The following SLC24A2 variants were observed in gnomAD, a reference collection of about 807,000 sequenced individuals.
SLC24A2 encodes sodium/potassium/calcium exchanger 2.
SLC24A2 carries 36 observed loss-of-function variants against 62.0 expected under a neutral mutation model. The ratio of observed to expected loss-of-function variants is 0.58; its 90% CI spans 0.44 to 0.77. SLC24A2 has a LOEUF of 0.77. Among genes scored for constraint, SLC24A2 ranks in the 30% least tolerant of loss-of-function variants. The probability of loss-of-function intolerance (pLI) is 0.00; values close to 1 mark genes in which losing one functional copy is unlikely to be tolerated. For synonymous variants in SLC24A2, 358 were observed against 294.0 expected, an observed-to-expected ratio of 1.22 and a Z score of -2.23; for missense variants, 846 against 817.9, an observed-to-expected ratio of 1.03 and a Z score of -0.42.
At chr9:19,604,635 A>AAAAC (rs1004013955) in intron 4 of SLC24A2, among the ~76,000 whole-genome samples, 2 of 152,202 alleles carry the variant, frequency 1.3e-5, no homozygotes, top group African/African-American at 4.8e-5. Context: ...AGTAAAATGA[A>AAAAC]AAACAAACAA....
chr9:19,965,365 G>C, the SLC24A2 span, among the ~76,000 whole-genome samples: 1 of 152,304 alleles, frequency 6.6e-6, no homozygotes, highest in South Asian at 2.1e-4. Context: ...GGAGAAGTCT[G>C]AGTGGGTCTT....
the SLC24A2 span, among the ~76,000 whole-genome samples, chr9:20,252,192 T>C: frequency 6.6e-6 from 1 of 152,230 alleles, no homozygotes; most frequent in African/African-American, 2.4e-5. Context: ...AAGCTCATTT[T>C]GAAGGGCTCG....
At chr9:19,989,855 G>A in the SLC24A2 span, among the ~76,000 whole-genome samples, 3 of 152,138 alleles carry the variant, frequency 2.0e-5, no homozygotes, top group Non-Finnish European at 2.9e-5. Context: ...CTCTTGGAGT[G>A]AGGACATTTC....
At chr9:20,056,559 T>A in the SLC24A2 span, among the ~76,000 whole-genome samples, 1 of 152,240 alleles carries the variant, frequency 6.6e-6, no homozygotes, top group Non-Finnish European at 1.5e-5. Context: ...TAATAAGCAC[T>A]AGAATTTTAA....
chr9:19,829,159 G>A, the SLC24A2 span, among the ~76,000 whole-genome samples: 1 of 152,024 alleles, frequency 6.6e-6, no homozygotes, highest in Non-Finnish European at 1.5e-5. Flanking sequence ...GAAACTCACG[G>A]GGTATGAGGG....
the SLC24A2 span, among the ~76,000 whole-genome samples, chr9:20,210,163 A>G: frequency 6.6e-6 from 1 of 152,158 alleles, no homozygotes; most frequent in Non-Finnish European, 1.5e-5. Flanking sequence ...AAAAGGGATA[A>G]AAGACCTGCT....
At chr9:19,648,441 C>G (rs945707390) in intron 2 of SLC24A2, among the ~76,000 whole-genome samples, 7 of 152,084 alleles carry the variant, frequency 4.6e-5, no homozygotes, top group African/African-American at 1.4e-4. Flanking sequence ...GAGATACTTT[C>G]AAAACACAAG....
At chr9:19,946,154 G>A in the SLC24A2 span, among the ~76,000 whole-genome samples, 2 of 152,132 alleles carry the variant, frequency 1.3e-5, no homozygotes, top group South Asian at 2.1e-4. Context: ...GAGCAAAGGC[G>A]GCCATCCCTA....
chr9:20,226,858 T>C, the SLC24A2 span, among the ~76,000 whole-genome samples: 103 of 152,294 alleles, frequency 6.8e-4, 1 homozygote, highest in East Asian at 0.013. Context: ...TGTTTGCAAA[T>C]AGAGATACAT....
intron 2 of SLC24A2, among the ~76,000 whole-genome samples, chr9:19,682,347 C>A (rs1819747357): frequency 6.6e-6 from 1 of 151,992 alleles, no homozygotes; most frequent in Non-Finnish European, 1.5e-5. Flanking sequence ...ACAACCTGGG[C>A]CCTTCTGTAA....
the SLC24A2 span, among the ~76,000 whole-genome samples, chr9:19,914,691 C>T: frequency 6.6e-6 from 1 of 152,040 alleles, no homozygotes; most frequent in Non-Finnish European, 1.5e-5. Flanking sequence ...TCCCTTATGA[C>T]CTTGCCTTGT....
intron 2 of SLC24A2, among the ~76,000 whole-genome samples, chr9:19,662,549 TCTC>T (rs1466707201): frequency 1.3e-5 from 2 of 152,150 alleles, no homozygotes; most frequent in Non-Finnish European, 2.9e-5. Flanking sequence ...CACGCACACA[TCTC>T]CTCAACTAAT....
At chr9:19,745,693 G>C (rs943846977) in intron 2 of SLC24A2, among the ~76,000 whole-genome samples, 1 of 152,066 alleles carries the variant, frequency 6.6e-6, no homozygotes, top group East Asian at 1.9e-4. Flanking sequence ...TTTTCTACAT[G>C]CTGGGAAAGA....
At chr9:19,971,285 T>A in the SLC24A2 span, among the ~76,000 whole-genome samples, 1 of 152,304 alleles carries the variant, frequency 6.6e-6, no homozygotes, top group Admixed American at 6.5e-5. Flanking sequence ...GCCTTCCAGA[T>A]GCATGAGTAA....
rs565640423 is a variant in SLC24A2, at chr9:19,652,022, C to A, written c.931-29723G>T. On this transcript the variant is annotated intron_variant, in intron 2 of 10. Coordinates refer to ENST00000341998, the MANE Select transcript of SLC24A2 (RefSeq NM_020344.4). The stretch of plus-strand genomic sequence containing the variant: ...GTAAATTGCTCGATTACAGGAGATA[C>A]CCACACTACTTTGTTCCATAAAATT... 1.7e-3 allele frequency among the ~76,000 whole-genome samples: 265 copies of A among 152,296 alleles called. 1 individual carries two copies. Among genetic ancestry groups the A allele is most frequent in the African/African-American group, 6.1e-3 (252 of 41,550 alleles).
At chr9:19,734,016 T>G (rs190873061) in intron 2 of SLC24A2, among the ~76,000 whole-genome samples, 3 of 152,282 alleles carry the variant, frequency 2.0e-5, no homozygotes, top group Admixed American at 6.5e-5. Flanking sequence ...CAAGTCTCTC[T>G]GAGGAAGTAA....
At chr9:20,036,368 A>G in the SLC24A2 span, among the ~76,000 whole-genome samples, 1 of 152,180 alleles carries the variant, frequency 6.6e-6, no homozygotes, top group Non-Finnish European at 1.5e-5. Flanking sequence ...CAATATTGAA[A>G]TGTACAGTAC....
chr9:20,298,881 C>T, the SLC24A2 span, among the ~76,000 whole-genome samples: 3 of 152,220 alleles, frequency 2.0e-5, no homozygotes, highest in Non-Finnish European at 2.9e-5. Flanking sequence ...AGAGCCCACT[C>T]AGCTAGTTGG....
intron 7 of SLC24A2, among the ~76,000 whole-genome samples, chr9:19,555,400 T>A (rs1049512951): frequency 3.9e-5 from 6 of 152,164 alleles, no homozygotes; most frequent in African/African-American, 1.4e-4. Context: ...ACTGGGGAGT[T>A]CAGAGCCAAA....
Sources: allele counts gnomAD v4.1 joint callset (sites outside exome capture counted in the v4.1 genomes callset), GRCh38; gene constraint gnomAD v4.1.1; transcripts MANE v1.5; gene names NCBI Gene and HGNC (gene_info 2026-07-23, HGNC 2026-07-21).